ZFAT: variants seen among roughly 807,000 people sequenced by gnomAD.
ZFAT encodes zinc finger and AT-hook domain containing.
In ZFAT, 64 loss-of-function variants were observed where a neutral mutation model predicts 117.7. That is an observed-to-expected ratio of 0.54 (90% confidence interval 0.44 to 0.67). The LOEUF is 0.67. Among genes scored for constraint, ZFAT ranks in the 30% least tolerant of loss-of-function variants. The pLI, the probability that ZFAT is intolerant of heterozygous loss-of-function variation, is 0.00. For synonymous variants in ZFAT, 679 were observed against 615.0 expected (o/e 1.10, Z -1.54); for missense variants, 1,433 against 1,584.5 (o/e 0.90, Z 1.62).
intron 11 of ZFAT, among the ~76,000 whole-genome samples, chr8:134,553,417 C>T (rs1045722853): frequency 6.6e-6 from 1 of 152,176 alleles, no homozygotes; most frequent in African/African-American, 2.4e-5. Flanking sequence ...GCAGAAGAAT[C>T]GCTTGAACAT....
the ZFAT span, among the ~76,000 whole-genome samples, chr8:134,782,965 G>A: frequency 6.6e-6 from 1 of 151,306 alleles, no homozygotes; most frequent in Non-Finnish European, 1.5e-5. Context: ...ATTGTTATGA[G>A]CAAATATGTA....
chr8:134,734,138 C>A, the ZFAT span, among the ~76,000 whole-genome samples: 1 of 152,218 alleles, frequency 6.6e-6, no homozygotes, highest in Non-Finnish European at 1.5e-5. Context: ...GTCGGGGCAC[C>A]GTCTGTCCTC....
At chr8:134,777,706 C>T in the ZFAT span, among the ~76,000 whole-genome samples, 6 of 152,104 alleles carry the variant, frequency 3.9e-5, no homozygotes, top group African/African-American at 1.4e-4. Context: ...CATTTAGACC[C>T]TTCAATAAAA....
chr8:134,563,795 G>A (rs900602830), intron 11 of ZFAT, among the ~76,000 whole-genome samples: 1 of 152,220 alleles, frequency 6.6e-6, no homozygotes, highest in African/African-American at 2.4e-5. Context: ...GTGTGCTGGT[G>A]TAGGGTCGCC....
the ZFAT span, among the ~76,000 whole-genome samples, chr8:134,815,040 C>T: frequency 1.3e-4 from 20 of 152,198 alleles, no homozygotes; most frequent in Non-Finnish European, 2.2e-4. Context: ...AAAAGACCAA[C>T]TCTTAAGGTC....
intron 1 of ZFAT, among the ~76,000 whole-genome samples, chr8:134,704,383 A>T (rs1834093809): frequency 6.6e-6 from 1 of 152,178 alleles, no homozygotes. Flanking sequence ...TATGTTCACC[A>T]TTCCTCTTCC....
intron 1 of ZFAT, among the ~76,000 whole-genome samples, chr8:134,708,975 T>A (rs1813888756): frequency 6.6e-6 from 1 of 152,116 alleles, no homozygotes; most frequent in African/African-American, 2.4e-5. Context: ...ATTTAATTTT[T>A]AAAAATGACT....
chr8:134,781,722 A>G, the ZFAT span, among the ~76,000 whole-genome samples: 207 of 152,090 alleles, frequency 1.4e-3, no homozygotes, highest in Non-Finnish European at 2.4e-3. Context: ...TTCTGCCTCT[A>G]CTACATCTGA....
intron 11 of ZFAT, among the ~76,000 whole-genome samples, chr8:134,543,703 G>A (rs1822458550): frequency 6.6e-6 from 1 of 152,126 alleles, no homozygotes; most frequent in Non-Finnish European, 1.5e-5. Context: ...AGGGGCTATG[G>A]TCATCTAGTG....
intron 11 of ZFAT, among the ~76,000 whole-genome samples, chr8:134,537,225 G>C (rs1188914967): frequency 6.6e-6 from 1 of 152,224 alleles, no homozygotes; most frequent in African/African-American, 2.4e-5. Context: ...GACACAGAAT[G>C]GTTTAGAGAC....
intron 2 of ZFAT, among the ~76,000 whole-genome samples, chr8:134,656,964 TG>T (rs1314914751): frequency 1.3e-5 from 2 of 152,256 alleles, no homozygotes; most frequent in African/African-American, 4.8e-5. Context: ...GCACGCTGAC[TG>T]TGAACCCAAA....
chr8:134,508,346 T>C (rs1819567226), intron 15 of ZFAT, among the ~76,000 whole-genome samples: 1 of 152,230 alleles, frequency 6.6e-6, no homozygotes, highest in South Asian at 2.1e-4. Flanking sequence ...CACACATCAC[T>C]CAGGCGTCCT....
the ZFAT span, among the ~76,000 whole-genome samples, chr8:134,780,315 C>G: frequency 0.16 from 24,760 of 152,158 alleles, 2,301 homozygotes; most frequent in African/African-American, 0.24. Context: ...CACACACTGG[C>G]TCACCTAGGC....
chr8:134,670,533 A>G (rs1040007360), intron 1 of ZFAT, among the ~76,000 whole-genome samples: 9 of 152,270 alleles, frequency 5.9e-5, no homozygotes, highest in Non-Finnish European at 1.0e-4. Flanking sequence ...AAGCAGAAAT[A>G]AAGATGTTCT....
At chr8:134,786,738 T>C in the ZFAT span, among the ~76,000 whole-genome samples, 1 of 152,174 alleles carries the variant, frequency 6.6e-6, no homozygotes. Context: ...TCAAAAAATA[T>C]CTAAAATTTC....
the ZFAT span, chr8:134,722,877 G>A: frequency 6.6e-6 from 1 of 152,168 alleles, no homozygotes; most frequent in African/African-American, 2.4e-5. Context: ...GGTTATTAAG[G>A]TAAAGGGAGG....
chr8:134,522,218 C>T lies in ZFAT; in HGVS notation c.3116-1217G>A, dbSNP rs555087897. 3.3e-5 allele frequency among the ~76,000 whole-genome samples: 5 copies of T among 152,380 alleles called. No homozygotes were observed. In the East Asian group the frequency reaches 7.7e-4, roughly 24 times the overall value. ...GGGCAGGGCAGCAATGCCACCTCCA[C>T]GGTAGAGCAGGAGCATTTCCCCATC... On this transcript the variant is annotated intron_variant, in intron 12 of 15. Transcript: ENST00000377838.
chr8:134,682,187 T>C (rs1447210975), intron 1 of ZFAT, among the ~76,000 whole-genome samples: 1 of 152,166 alleles, frequency 6.6e-6, no homozygotes, highest in Non-Finnish European at 1.5e-5. Context: ...CTCACAACAA[T>C]CCTGTGAAAT....
At chr8:134,678,563 C>T (rs1205698000) in intron 1 of ZFAT, among the ~76,000 whole-genome samples, 1 of 152,166 alleles carries the variant, frequency 6.6e-6, no homozygotes, top group Non-Finnish European at 1.5e-5. Flanking sequence ...ATTGACTCTT[C>T]ACAGAATTGT....
Sources: allele counts gnomAD v4.1 joint callset (sites outside exome capture counted in the v4.1 genomes callset), GRCh38; gene constraint gnomAD v4.1.1; transcripts MANE v1.5; gene names NCBI Gene and HGNC (gene_info 2026-07-23, HGNC 2026-07-21).